Variants in CD55 observed in about 807,000 individuals in gnomAD.
CD55 encodes the protein complement decay-accelerating factor.
A neutral mutation model predicts 45.8 loss-of-function variants in CD55; 41 were observed. The observed-to-expected ratio is 0.90, with a 90% confidence interval of 0.70 to 1.16. The LOEUF (loss-of-function observed/expected upper bound fraction) is 1.16. Among genes scored for constraint, CD55 ranks in the 50% most tolerant of loss-of-function variants. CD55 has a pLI of 0.00. For synonymous variants in CD55, 181 were observed against 181.1 expected (o/e 1.00, Z 0.01); for missense variants, 416 against 469.8 (o/e 0.89, Z 1.06).
At chr1:207,324,461 A>G in intron 2 of CD55, 98 bp from the exon 3 acceptor site, 1 of 714,762 alleles carries the variant, frequency 1.4e-6, no homozygotes, top group East Asian at 2.8e-5. Context: ...GCAAAGCAGT[A>G]AAGAAAGGGG....
intron 9 of CD55, among the ~76,000 whole-genome samples, chr1:207,343,255 A>T (rs1222921576): frequency 6.6e-6 from 1 of 151,900 alleles, no homozygotes; most frequent in Non-Finnish European, 1.5e-5. Context: ...CTAGTTCCTT[A>T]AGATGCATTG....
intron 9 of CD55, among the ~76,000 whole-genome samples, chr1:207,346,516 T>C (rs1331061985): frequency 1.3e-5 from 2 of 152,002 alleles, no homozygotes; most frequent in Non-Finnish European, 2.9e-5. Context: ...GGGACAGCAG[T>C]GTTGTTTTCA....
chr1:207,324,497 A>G, intron 2 of CD55, 62 bp from the exon 3 acceptor site: 1 of 1,133,962 alleles, frequency 8.8e-7, no homozygotes, highest in Non-Finnish European at 1.2e-6. Flanking sequence ...ATAATTAAAT[A>G]TAGATTATAA....
chr1:207,322,318 T>C (rs758471550), intron 1 of CD55, 64 bp from the exon 2 acceptor site: 32 of 1,411,958 alleles, frequency 2.3e-5, no homozygotes, highest in Middle Eastern at 3.5e-4. Context: ...GCTTGTGTCT[T>C]GAAAACAGCA....
chr1:207,336,963 A>C, intron 7 of CD55, 145 bp downstream of exon 7: 1 of 886,966 alleles, frequency 1.1e-6, no homozygotes, highest in Non-Finnish European at 1.8e-6. Flanking sequence ...ACCACAATAA[A>C]TGTTCCAGCT....
intron 9 of CD55, among the ~76,000 whole-genome samples, chr1:207,340,035 A>C (rs1655352341): frequency 1.3e-5 from 2 of 152,036 alleles, no homozygotes; most frequent in African/African-American, 4.8e-5. Flanking sequence ...TACTCACCCT[A>C]CTCTGCTATT....
intron 8 of CD55, among the ~76,000 whole-genome samples, chr1:207,339,007 C>G (rs1473111134): frequency 1.3e-5 from 2 of 152,124 alleles, no homozygotes; most frequent in East Asian, 3.9e-4. Context: ...TTGATATAGT[C>G]TGCTAAAAGG....
chr1:207,359,408 AT>A (rs1162376925), intron 9 of CD55, 137 bp from the exon 10 acceptor site: 187 of 751,388 alleles, frequency 2.5e-4, no homozygotes, highest in East Asian at 2.9e-4. Flanking sequence ...ATTACTCATT[AT>A]TTTTTTTGTT....
At chr1:207,337,072 A>G (rs1208196434) in intron 7 of CD55, 13 of 608,142 alleles carry the variant, frequency 2.1e-5, no homozygotes, top group Non-Finnish European at 3.2e-5. Flanking sequence ...CAAATGATTC[A>G]GCCACCAAAT....
At chr1:207,352,617 A>G (rs564177229) in intron 9 of CD55, among the ~76,000 whole-genome samples, 3 of 152,116 alleles carry the variant, frequency 2.0e-5, no homozygotes, top group Non-Finnish European at 4.4e-5. Flanking sequence ...CAGTTTTCTC[A>G]TTTAAGAGAT....
chr1:207,345,763 G>A (rs1297210743), intron 9 of CD55, among the ~76,000 whole-genome samples: 1 of 152,190 alleles, frequency 6.6e-6, no homozygotes, highest in Non-Finnish European at 1.5e-5. Context: ...TGTATTTATG[G>A]TGTCAGTTAG....
chr1:207,352,359 C>T (rs1014789165), intron 9 of CD55, among the ~76,000 whole-genome samples: 1 of 151,902 alleles, frequency 6.6e-6, no homozygotes, highest in Non-Finnish European at 1.5e-5. Context: ...TTATGTATCA[C>T]ATATATATCT....
rs1166864167 is a variant in CD55, at chr1:207,332,022, ATTCC to A, written c.853+729_853+732del. Among the ~76,000 whole-genome samples, 7 of 152,192 alleles carry A rather than the reference ATTCC, an allele frequency of 4.6e-5. No individual in the cohort carries two copies. In the East Asian group the frequency reaches 9.6e-4, roughly 21 times the overall value. On this transcript the variant is annotated intron_variant, in intron 6 of 9. Transcript: ENST00000367064. ...AATTTTATTAGTATGAATTTTAAAA[ATTCC>A]TTATTAAAATAGATTTTTATTATAA...
chr1:207,350,510 T>A (rs572061027), intron 9 of CD55, among the ~76,000 whole-genome samples: 4 of 152,316 alleles, frequency 2.6e-5, no homozygotes, highest in Admixed American at 2.0e-4. Context: ...GTAGGTTTTT[T>A]AAATTACTGA....
At chr1:207,341,272 A>G (rs1486025259) in intron 9 of CD55, among the ~76,000 whole-genome samples, 2 of 152,092 alleles carry the variant, frequency 1.3e-5, no homozygotes, top group African/African-American at 4.8e-5. Flanking sequence ...TTAGTTTAAT[A>G]TAGTCCTATT....
chr1:207,343,477 C>T (rs77860323), intron 9 of CD55, among the ~76,000 whole-genome samples: 6 of 152,182 alleles, frequency 3.9e-5, no homozygotes, highest in Non-Finnish European at 7.4e-5. Flanking sequence ...TTTATTTGTA[C>T]GGTTTCCAAA....
intron 9 of CD55, chr1:207,347,079 G>A (rs1389364079): frequency 2.2e-6 from 1 of 456,066 alleles, no homozygotes; most frequent in Admixed American, 2.3e-5. Flanking sequence ...TTAAATTCTA[G>A]TGTTCTCTCT....
chr1:207,338,021 T>C (rs1490733664), intron 8 of CD55, among the ~76,000 whole-genome samples: 7 of 152,234 alleles, frequency 4.6e-5, no homozygotes, highest in Admixed American at 6.5e-5. Flanking sequence ...TATTTCATAA[T>C]TGTTACCTTG....
intron 9 of CD55, among the ~76,000 whole-genome samples, chr1:207,346,801 A>G (rs533000029): frequency 2.0e-5 from 3 of 152,266 alleles, no homozygotes; most frequent in Admixed American, 2.0e-4. Context: ...AGTGGTTTAT[A>G]GTACTCAGTG....
Sources: allele counts gnomAD v4.1 joint callset (sites outside exome capture counted in the v4.1 genomes callset), GRCh38; gene constraint gnomAD v4.1.1; transcripts MANE v1.5; gene names NCBI Gene and HGNC (gene_info 2026-07-23, HGNC 2026-07-21).